The following CDYL variants were observed in gnomAD, a reference collection of about 807,000 sequenced individuals.
CDYL encodes the protein chromodomain Y-like protein.
CDYL carries 8 observed loss-of-function variants against 47.3 expected under a neutral mutation model. The ratio of observed to expected loss-of-function variants is 0.17; its 90% CI spans 0.10 to 0.31. The LOEUF is 0.31. Among genes scored for constraint, CDYL ranks in the 10% least tolerant of loss-of-function variants. The pLI is 1.00. For missense variants in CDYL, 471 were observed against 701.4 expected (o/e 0.67, Z 3.71); for synonymous variants, 266 against 265.0 (o/e 1.00, Z -0.04).
Position 4,935,753 on chromosome 6 carries a change from T to C in CDYL, c.930T>C (p.Asn310=). Residue 310 remains asparagine (N), a synonymous_variant, in exon 3 of 7, where the codon AAT becomes AAC. Transcript: ENST00000397588. The stretch of plus-strand genomic sequence containing the variant: ...TGTTATCCACAAAGTCCTCAGAGAA[T>C]AACTCACTAAATCCAGAGGTGAGAG... The part of the protein sequence containing the change: ...HILLSTKSSE[N]NSLNPEVMRE... 6.2e-7 allele frequency: 1 copy of C among 1,614,244 alleles called. No homozygotes were observed. The highest frequency in any genetic ancestry group is 1.7e-5 in the Admixed American group (1 of 60,030).
At chr6:4,909,215 A>G (rs1051550392) in intron 2 of CDYL, among the ~76,000 whole-genome samples, 2 of 152,212 alleles carry the variant, frequency 1.3e-5, no homozygotes, top group African/African-American at 4.8e-5. Flanking sequence ...TCATGTCATT[A>G]CTAAGCCCTG....
chr6:4,928,049 G>T (rs757226460), intron 2 of CDYL, among the ~76,000 whole-genome samples: 2 of 152,146 alleles, frequency 1.3e-5, no homozygotes, highest in Non-Finnish European at 2.9e-5. Flanking sequence ...TGCTAGAACT[G>T]TGCTTTTCGT....
chr6:4,821,564 T>C (rs1027631756), intron 1 of CDYL, among the ~76,000 whole-genome samples: 6 of 151,906 alleles, frequency 3.9e-5, no homozygotes, highest in Non-Finnish European at 7.4e-5. Flanking sequence ...TGAAACCCCG[T>C]CTCTACTAAT....
intron 3 of CDYL, among the ~76,000 whole-genome samples, chr6:4,936,240 C>A (rs1581277945): frequency 6.6e-6 from 1 of 152,318 alleles, no homozygotes; most frequent in Middle Eastern, 3.4e-3. Flanking sequence ...CCCAGATACT[C>A]CTCAGCGGTT....
chr6:4,777,244 A>AG (rs1425157371), intron 1 of CDYL, among the ~76,000 whole-genome samples: 2 of 152,118 alleles, frequency 1.3e-5, no homozygotes, highest in African/African-American at 4.8e-5. Flanking sequence ...GGCGGGGAGA[A>AG]GACCGGTGCA....
At chr6:4,946,638 C>A (rs1322889390) in intron 5 of CDYL, among the ~76,000 whole-genome samples, 2 of 152,194 alleles carry the variant, frequency 1.3e-5, no homozygotes, top group Non-Finnish European at 2.9e-5. Flanking sequence ...CCAAGCCCAG[C>A]TGTGCATCTG....
intron 1 of CDYL, among the ~76,000 whole-genome samples, chr6:4,811,233 T>TA (rs1759518223): frequency 6.6e-6 from 1 of 152,232 alleles, no homozygotes; most frequent in Non-Finnish European, 1.5e-5. Flanking sequence ...GTAGACCATG[T>TA]AAAAACTTCC....
intron 2 of CDYL, among the ~76,000 whole-genome samples, chr6:4,734,154 T>TC (rs5873948): frequency 0.29 from 43,749 of 151,932 alleles, 6,435 homozygotes; most frequent in African/African-American, 0.32. Flanking sequence ...CTCTGCTGTT[T>TC]CCCCTCTGGC....
chr6:4,903,755 CCT>C (rs1241351415), intron 2 of CDYL, among the ~76,000 whole-genome samples: 3 of 152,194 alleles, frequency 2.0e-5, no homozygotes, highest in African/African-American at 7.2e-5. Context: ...GTTGCTGGCT[CCT>C]GAGTATCTTC....
At chr6:4,727,397 T>G (rs1382985583) in intron 2 of CDYL, among the ~76,000 whole-genome samples, 1 of 152,156 alleles carries the variant, frequency 6.6e-6, no homozygotes. Flanking sequence ...TGTCCATACA[T>G]AGGGTGGATT....
intron 1 of CDYL, among the ~76,000 whole-genome samples, chr6:4,849,761 CA>C (rs943611477): frequency 2.6e-5 from 4 of 151,744 alleles, no homozygotes; most frequent in Admixed American, 1.3e-4. Context: ...TGTTAAGTGC[CA>C]GGCACTTAAA....
intron 2 of CDYL, chr6:4,724,567 G>C (rs1440775583): frequency 2.6e-5 from 4 of 152,322 alleles, no homozygotes; most frequent in African/African-American, 9.7e-5. Context: ...AGCGTGTCCG[G>C]AGTTTGTTCC....
upstream of CDYL, among the ~76,000 whole-genome samples, chr6:4,775,097 C>A (rs556459131): frequency 6.6e-6 from 1 of 152,260 alleles, no homozygotes; most frequent in Admixed American, 6.5e-5. The surrounding 1 kb of genome is among the most constrained non-coding windows in gnomAD (Gnocchi z 7.0). Flanking sequence ...GTGGGAGGAG[C>A]CTTGTGGCTC....
At chr6:4,725,876 C>T (rs1420817950) in intron 2 of CDYL, among the ~76,000 whole-genome samples, 1 of 152,234 alleles carries the variant, frequency 6.6e-6, no homozygotes, top group Non-Finnish European at 1.5e-5. Context: ...TCACTCTTAT[C>T]AAAGGTGAGC....
intron 3 of CDYL, among the ~76,000 whole-genome samples, chr6:4,758,351 A>AATAAATATATATATATATATATATATAT (rs1554134097): frequency 3.6e-4 from 47 of 129,072 alleles, no homozygotes; most frequent in Non-Finnish European, 5.2e-4. Context: ...AAAATAAATA[A>AATAAATATATATATATATATATATATAT]ATATATATAT....
At chr6:4,934,627 G>A (rs540121278) in intron 2 of CDYL, among the ~76,000 whole-genome samples, 2 of 152,230 alleles carry the variant, frequency 1.3e-5, no homozygotes, top group Non-Finnish European at 2.9e-5. Context: ...TCACCACATT[G>A]GATCATATTT....
In CDYL at chr6:4,886,306, G is replaced by A. The variant is rs747703746; in HGVS notation, c.25-5407G>A. Among the ~76,000 whole-genome samples the A allele has an allele frequency of 6.6e-5, 10 of 152,158 alleles. No homozygotes were observed. The South Asian group carries it at 1.7e-3, about 25-fold the overall frequency. ...ATGGTAACTCTATTCGAGGAACAAC[G>A]AGACTGTTTTCCAATGTGGCTGTAC... On this transcript the variant is annotated intron_variant, in intron 1 of 6. Coordinates refer to ENST00000397588, the MANE Select transcript of CDYL (RefSeq NM_004824.4).
At chr6:4,850,355 C>G (rs76871259) in intron 1 of CDYL, among the ~76,000 whole-genome samples, 1 of 152,128 alleles carries the variant, frequency 6.6e-6, no homozygotes, top group Non-Finnish European at 1.5e-5. Flanking sequence ...TGTATTTTAT[C>G]TTTAAATGTT....
At chr6:4,785,061 A>G (rs1173564972) in intron 1 of CDYL, among the ~76,000 whole-genome samples, 1 of 152,200 alleles carries the variant, frequency 6.6e-6, no homozygotes, top group Non-Finnish European at 1.5e-5. Flanking sequence ...TTTATTAGCA[A>G]TGTGAGAATG....
Sources: allele counts gnomAD v4.1 joint callset (sites outside exome capture counted in the v4.1 genomes callset), GRCh38; gene constraint gnomAD v4.1.1; non-coding constraint Gnocchi (gnomAD v3.1); transcripts MANE v1.5; gene names NCBI Gene and HGNC (gene_info 2026-07-23, HGNC 2026-07-21).